MAML2: variants seen among roughly 807,000 people sequenced by gnomAD.
The protein encoded by MAML2 is mastermind-like protein 2.
A neutral mutation model predicts 96.1 loss-of-function variants in MAML2; 22 were observed. The observed-to-expected ratio is 0.23, with a 90% CI of 0.16 to 0.33. The LOEUF is 0.33. Ranked by LOEUF, MAML2 falls within the 10% of genes least tolerant of loss-of-function variation. The pLI is 1.00. For synonymous variants in MAML2, 561 were observed against 521.3 expected (o/e 1.08, Z -1.04); for missense variants, 1,367 against 1,392.4 (o/e 0.98, Z 0.29).
chr11:95,983,570 A>G (rs892823295), intron 4 of MAML2, among the ~76,000 whole-genome samples: 1 of 152,250 alleles, frequency 6.6e-6, no homozygotes, highest in Non-Finnish European at 1.5e-5. Flanking sequence ...CGTTCCCAAC[A>G]CAAAGAAATG....
intron 1 of MAML2, among the ~76,000 whole-genome samples, chr11:96,104,270 A>G (rs894657172): frequency 6.6e-6 from 1 of 152,240 alleles, no homozygotes; most frequent in Non-Finnish European, 1.5e-5. Context: ...CCAAATAAAT[A>G]TAAAATAAAA....
chr11:96,243,368 G>T (rs916301983), intron 1 of MAML2, among the ~76,000 whole-genome samples: 1 of 152,292 alleles, frequency 6.6e-6, no homozygotes, highest in Non-Finnish European at 1.5e-5. Flanking sequence ...CTCCTTAAAC[G>T]GCAGGCACTT....
intron 1 of MAML2, among the ~76,000 whole-genome samples, chr11:96,235,125 C>T (rs1258337790): frequency 6.6e-6 from 1 of 152,100 alleles, no homozygotes; most frequent in Admixed American, 6.5e-5. Context: ...GAAAAATTGA[C>T]ATTCTCCATA....
At chr11:96,037,035 T>C (rs1858725244) in intron 2 of MAML2, among the ~76,000 whole-genome samples, 1 of 152,198 alleles carries the variant, frequency 6.6e-6, no homozygotes, top group Non-Finnish European at 1.5e-5. Context: ...GCCTAGGTTG[T>C]TCCTGCACTG....
chr11:95,991,718 T>C lies in MAML2; in HGVS notation c.2145A>G (p.Gln715=), dbSNP rs1450016157. The change falls in exon 3 of 5, where the codon CAA becomes CAG. Residue 715 remains glutamine (Q), a synonymous_variant. Transcript: ENST00000524717. ...YQVSQQQRQD[Q]HSVVGQNTGP... is the part of the protein sequence containing the mutation. Reference sequence around the variant, plus strand: ...CTGTGTTCTGGCCTACCACAGAGTGTTGATCCTAAAGAAGAGAAAGGGGGA... The same window carrying C: ...CTGTGTTCTGGCCTACCACAGAGTGCTGATCCTAAAGAAGAGAAAGGGGGA... The C allele has an allele frequency of 6.2e-7, 1 of 1,613,316 alleles. No homozygotes were observed. The highest frequency in any genetic ancestry group is 1.1e-5 in the South Asian group (1 of 91,048).
intron 1 of MAML2, among the ~76,000 whole-genome samples, chr11:96,335,540 T>C (rs1863909889): frequency 6.6e-6 from 1 of 152,190 alleles, no homozygotes; most frequent in Non-Finnish European, 1.5e-5. Context: ...TAACTCACCA[T>C]GAATGGGAGA....
chr11:96,028,722 G>GA (rs1056702735), intron 2 of MAML2, among the ~76,000 whole-genome samples: 2 of 152,024 alleles, frequency 1.3e-5, no homozygotes, highest in Non-Finnish European at 1.5e-5. Flanking sequence ...GGAGAAAGGA[G>GA]AAAAAAAGAA....
At chr11:96,314,508 C>T (rs992300292) in intron 1 of MAML2, among the ~76,000 whole-genome samples, 3 of 152,208 alleles carry the variant, frequency 2.0e-5, no homozygotes, top group Non-Finnish European at 2.9e-5. Context: ...CAACATCCTT[C>T]CTGTGGGTTG....
chr11:96,068,932 T>C (rs1859293542), intron 2 of MAML2, among the ~76,000 whole-genome samples: 1 of 148,328 alleles, frequency 6.7e-6, no homozygotes, highest in Non-Finnish European at 1.5e-5. Flanking sequence ...TTTTTTTTTT[T>C]TTTTTTAAAG....
At chr11:96,081,209 C>T (rs1031933716) in intron 2 of MAML2, among the ~76,000 whole-genome samples, 3 of 152,194 alleles carry the variant, frequency 2.0e-5, no homozygotes, top group Non-Finnish European at 2.9e-5. Context: ...CTTCCGAAAA[C>T]ATTATACCTA....
At chr11:96,295,443 G>A (rs780788203) in intron 1 of MAML2, among the ~76,000 whole-genome samples, 12 of 152,080 alleles carry the variant, frequency 7.9e-5, no homozygotes, top group Non-Finnish European at 1.5e-4. Flanking sequence ...ATAAACAGAA[G>A]TTGACGCACG....
At chr11:96,313,590 A>G (rs1342895196) in intron 1 of MAML2, among the ~76,000 whole-genome samples, 1 of 152,082 alleles carries the variant, frequency 6.6e-6, no homozygotes, top group Non-Finnish European at 1.5e-5. Flanking sequence ...CCTTTCTCCC[A>G]TTAAAGACTC....
At chr11:96,219,415 T>C (rs1054267550) in intron 1 of MAML2, among the ~76,000 whole-genome samples, 4 of 152,236 alleles carry the variant, frequency 2.6e-5, no homozygotes, top group African/African-American at 9.7e-5. Flanking sequence ...ATTTATCGTT[T>C]ATACAGTTCA....
intron 2 of MAML2, among the ~76,000 whole-genome samples, chr11:96,078,372 T>C (rs1277393277): frequency 6.6e-6 from 1 of 152,262 alleles, no homozygotes; most frequent in Non-Finnish European, 1.5e-5. Flanking sequence ...CAATGTCATA[T>C]AAGTCAAACA....
intron 1 of MAML2, among the ~76,000 whole-genome samples, chr11:96,165,133 TA>T (rs1861172034): frequency 2.0e-5 from 3 of 152,280 alleles, no homozygotes; most frequent in Non-Finnish European, 4.4e-5. Context: ...ATTTTTCAGA[TA>T]AATTGACCTC....
chr11:96,316,045 C>T (rs887833785), intron 1 of MAML2, among the ~76,000 whole-genome samples: 2 of 152,218 alleles, frequency 1.3e-5, no homozygotes, highest in Non-Finnish European at 2.9e-5. Context: ...GAGGGGATCT[C>T]TGGTTCAGTT....
At chr11:96,079,651 G>T (rs1859501386) in intron 2 of MAML2, among the ~76,000 whole-genome samples, 1 of 152,168 alleles carries the variant, frequency 6.6e-6, no homozygotes, top group Non-Finnish European at 1.5e-5. Context: ...TCCCTTCTTT[G>T]CATACTCTGT....
intron 2 of MAML2, among the ~76,000 whole-genome samples, chr11:96,072,151 C>T (rs1668718672): frequency 2.0e-5 from 3 of 152,202 alleles, no homozygotes; most frequent in South Asian, 4.1e-4. Context: ...TCCTCTCTGG[C>T]TACCATTATT....
chr11:96,205,113 G>T (rs1288963301), intron 1 of MAML2, among the ~76,000 whole-genome samples: 1 of 152,152 alleles, frequency 6.6e-6, no homozygotes, highest in Non-Finnish European at 1.5e-5. Flanking sequence ...ATGTCAACAT[G>T]GTGAAATGCA....
Sources: allele counts gnomAD v4.1 joint callset (sites outside exome capture counted in the v4.1 genomes callset), GRCh38; gene constraint gnomAD v4.1.1; transcripts MANE v1.5; gene names NCBI Gene and HGNC (gene_info 2026-07-23, HGNC 2026-07-21).